RAB10: variants seen among roughly 807,000 people sequenced by gnomAD.
RAB10 encodes the protein RAB10, member RAS oncogene family, also known as ras-related protein Rab-10.
A neutral mutation model predicts 25.7 loss-of-function variants in RAB10; 5 were observed. The ratio of observed to expected loss-of-function variants is 0.19; its 90% CI spans 0.10 to 0.41. The LOEUF (loss-of-function observed/expected upper bound fraction) is 0.41. RAB10 is among the 10% of genes least tolerant of loss of function. The pLI is 1.00. For missense variants in RAB10, 103 were observed against 245.8 expected (o/e 0.42, Z 3.89); for synonymous variants, 89 against 86.4 (o/e 1.03, Z -0.16).
chr2:26,057,008 C>T (rs935326641), intron 1 of RAB10, among the ~76,000 whole-genome samples: 1 of 152,134 alleles, frequency 6.6e-6, no homozygotes, highest in Non-Finnish European at 1.5e-5. Context: ...TGAGTGGCAG[C>T]ATTAGCTCTA....
In RAB10 at chr2:26,052,470, A is replaced by AT. The variant is rs10712935; in HGVS notation, c.127+17756dup. On this transcript the variant is annotated intron_variant, in intron 1 of 5. Transcript: ENST00000264710. The stretch of plus-strand genomic sequence containing the variant: ...TACAAGATGATGGAACCGTGAGCCA[A>AT]TTTTTTTTTTTTTTTTTTTTTCACT... 7.2e-3 allele frequency among the ~76,000 whole-genome samples: 821 copies of AT among 114,494 alleles called. 10 individuals carry two copies. The highest frequency in any genetic ancestry group is 0.023 in the African/African-American group (680 of 29,680). The allele number at this position is 114,494 out of a possible 152,430, so 75.1% of individuals were successfully genotyped here.
chr2:26,123,796 T>C (rs1667851972), intron 3 of RAB10, among the ~76,000 whole-genome samples: 1 of 152,102 alleles, frequency 6.6e-6, no homozygotes, highest in Non-Finnish European at 1.5e-5. Context: ...CTGAAGCAAA[T>C]GATGAAAGAA....
intron 1 of RAB10, among the ~76,000 whole-genome samples, chr2:26,095,987 G>A (rs551817166): frequency 5.3e-5 from 8 of 152,238 alleles, no homozygotes; most frequent in African/African-American, 1.4e-4. Flanking sequence ...TGCAAGTAAC[G>A]CCTATTTATC....
chr2:26,042,896 A>G (rs1341283205), intron 1 of RAB10: 1 of 152,140 alleles, frequency 6.6e-6, no homozygotes, highest in Non-Finnish European at 1.5e-5. Flanking sequence ...GCAAATCAAA[A>G]CCACAGTGAG....
chr2:26,090,210 C>T (rs1230353159), intron 1 of RAB10, among the ~76,000 whole-genome samples: 2 of 152,166 alleles, frequency 1.3e-5, no homozygotes, highest in African/African-American at 4.8e-5. Flanking sequence ...ATTTTGAGAT[C>T]TTCCATGTCT....
intron 2 of RAB10, among the ~76,000 whole-genome samples, chr2:26,106,738 T>A (rs1667470608): frequency 6.7e-6 from 1 of 150,124 alleles, no homozygotes; most frequent in African/African-American, 2.5e-5. Flanking sequence ...ATACAAAAAT[T>A]GTCCAGTGTG....
intron 1 of RAB10, among the ~76,000 whole-genome samples, chr2:26,059,531 G>T (rs767892455): frequency 4.6e-5 from 7 of 152,134 alleles, no homozygotes; most frequent in Non-Finnish European, 1.0e-4. Flanking sequence ...TCAGAAATTT[G>T]TTGGGGTAAA....
chr2:26,043,959 CAG>C (rs1224742336), intron 1 of RAB10, among the ~76,000 whole-genome samples: 7 of 152,120 alleles, frequency 4.6e-5, no homozygotes, highest in African/African-American at 1.4e-4. Context: ...TTCATAGAAA[CAG>C]AAATAATGGT....
At chr2:26,048,567 G>A (rs1370359213) in intron 1 of RAB10, among the ~76,000 whole-genome samples, 1 of 152,136 alleles carries the variant, frequency 6.6e-6, no homozygotes, top group Non-Finnish European at 1.5e-5. Flanking sequence ...TTTAACTGTT[G>A]AGTTTAGAGA....
In RAB10 at chr2:26,127,210, G is replaced by A; in HGVS notation, c.394G>A (p.Val132Ile). 1 of 1,600,836 alleles carries A rather than the reference G, an allele frequency of 6.2e-7. No individual in the cohort carries two copies. Among genetic ancestry groups the A allele is most frequent in the Non-Finnish European group, 8.5e-7 (1 of 1,175,026 alleles). ...GTGTGATATGGACGACAAAAGAGTT[G>A]TACCTAAAGGAAAAGGAGAACAGGT... The part of the protein sequence containing the change: ...NKCDMDDKRV[V>I]PKGKGEQIAR... The change falls in exon 4 of 6, where the codon GTA becomes ATA. Residue 132 changes from valine to isoleucine, a missense_variant. Coordinates refer to ENST00000264710, the MANE Select transcript of RAB10 (RefSeq NM_016131.5).
At chr2:26,078,573 T>C (rs1250877793) in intron 1 of RAB10, among the ~76,000 whole-genome samples, 2 of 152,110 alleles carry the variant, frequency 1.3e-5, no homozygotes, top group African/African-American at 4.8e-5. Flanking sequence ...ACTAGGGTGA[T>C]TTCTGAGGTG....
chr2:26,076,813 A>G (rs1454527913), intron 1 of RAB10, among the ~76,000 whole-genome samples: 1 of 151,802 alleles, frequency 6.6e-6, no homozygotes, highest in African/African-American at 2.4e-5. Context: ...GCGTGGTGGC[A>G]GGCGCCTGTA....
At chr2:26,129,988 T>C (rs6546780) in intron 5 of RAB10, among the ~76,000 whole-genome samples, 116,536 of 152,088 alleles carry the variant, frequency 0.77, 44,720 homozygotes, top group East Asian at 0.87. Context: ...CATTTTGTTA[T>C]TTTTAGCAAC....
intron 2 of RAB10, among the ~76,000 whole-genome samples, chr2:26,106,633 C>T (rs796256365): frequency 2.0e-5 from 3 of 152,260 alleles, no homozygotes; most frequent in African/African-American, 7.2e-5. Context: ...CGCCTATAAC[C>T]CCAGCACTTT....
At chr2:26,122,327 A>C (rs548201632) in intron 3 of RAB10, among the ~76,000 whole-genome samples, 1 of 152,314 alleles carries the variant, frequency 6.6e-6, no homozygotes, top group Admixed American at 6.5e-5. Flanking sequence ...CAGGATTGCT[A>C]TAAGAAAGGC....
At chr2:26,039,059 G>C (rs1254906408) in intron 1 of RAB10, among the ~76,000 whole-genome samples, 6 of 127,212 alleles carry the variant, frequency 4.7e-5, no homozygotes, top group African/African-American at 1.5e-4. Context: ...TTGTTCTGTT[G>C]CCTAGACTGG....
intron 1 of RAB10, among the ~76,000 whole-genome samples, chr2:26,080,670 A>AGTGTTTTGTTTTGTTTT (rs1666850244): frequency 6.6e-6 from 1 of 152,028 alleles, no homozygotes; most frequent in East Asian, 1.9e-4. Context: ...ACACCTGGCT[A>AGTGTTTTGTTTTGTTTT]GTGTTTTGTT....
intron 3 of RAB10, among the ~76,000 whole-genome samples, chr2:26,114,777 C>T (rs1355252311): frequency 6.8e-6 from 1 of 147,590 alleles, no homozygotes; most frequent in Non-Finnish European, 1.5e-5. Context: ...TGGTGGTATG[C>T]ACTTGTAGTT....
At chr2:26,059,453 C>T (rs565573939) in intron 1 of RAB10, among the ~76,000 whole-genome samples, 1 of 152,142 alleles carries the variant, frequency 6.6e-6, no homozygotes, top group South Asian at 2.1e-4. Context: ...TAGAATAACC[C>T]TTAGTTTAGG....
Sources: allele counts gnomAD v4.1 joint callset (sites outside exome capture counted in the v4.1 genomes callset), GRCh38; gene constraint gnomAD v4.1.1; transcripts MANE v1.5; gene names NCBI Gene and HGNC (gene_info 2026-07-23, HGNC 2026-07-21).